HNMT: variants seen among roughly 807,000 people sequenced by gnomAD.
The protein encoded by HNMT is histamine N-methyltransferase.
Under a neutral mutation model 32.1 loss-of-function variants are expected in HNMT, and 30 were observed. The observed-to-expected ratio is 0.93, with a 90% CI of 0.70 to 1.27. The LOEUF (loss-of-function observed/expected upper bound fraction) is 1.27. Ranked by LOEUF, HNMT falls within the 50% of genes most tolerant of loss-of-function variation. HNMT has a pLI of 0.00. For synonymous variants in HNMT, 125 were observed against 119.0 expected (o/e 1.05, Z -0.33); for missense variants, 327 against 346.0 (o/e 0.95, Z 0.43).
intron 4 of HNMT, among the ~76,000 whole-genome samples, chr2:138,003,300 T>C (rs999533553): frequency 6.6e-6 from 1 of 152,064 alleles, no homozygotes; most frequent in South Asian, 2.1e-4. Context: ...TTTCCAGAGA[T>C]AACTAACATT....
At chr2:137,978,214 A>T (rs1322354582) in intron 2 of HNMT, among the ~76,000 whole-genome samples, 3 of 151,474 alleles carry the variant, frequency 2.0e-5, no homozygotes. Flanking sequence ...CAATACCAAA[A>T]TATCTAAAAC....
chr2:137,985,819 C>T (rs1047910408), intron 2 of HNMT, among the ~76,000 whole-genome samples: 1 of 151,976 alleles, frequency 6.6e-6, no homozygotes, highest in South Asian at 2.1e-4. Flanking sequence ...ATCAAATACA[C>T]GTGATTTTAC....
chr2:137,978,492 T>TTA (rs1182224271), intron 2 of HNMT, among the ~76,000 whole-genome samples: 1 of 136,068 alleles, frequency 7.3e-6, no homozygotes, highest in Non-Finnish European at 1.6e-5. Flanking sequence ...TAATATAGTA[T>TTA]TATACAATAC....
chr2:138,012,979 C>A (rs936830387), intron 5 of HNMT, among the ~76,000 whole-genome samples: 1 of 152,076 alleles, frequency 6.6e-6, no homozygotes. Flanking sequence ...ACTCTCTTCC[C>A]ATCGGTGAGG....
chr2:137,970,494 T>A (rs572631346), intron 2 of HNMT, among the ~76,000 whole-genome samples: 78 of 152,322 alleles, frequency 5.1e-4, no homozygotes, highest in African/African-American at 1.6e-3. Flanking sequence ...GGATAACTCT[T>A]ATCCAAAATG....
At chr2:138,006,299 A>C (rs986634962) in intron 5 of HNMT, among the ~76,000 whole-genome samples, 1 of 152,044 alleles carries the variant, frequency 6.6e-6, no homozygotes, top group Admixed American at 6.6e-5. Flanking sequence ...AAACTTAGTT[A>C]TCAACATTGT....
chr2:137,982,624 G>T (rs1272615896), intron 2 of HNMT, among the ~76,000 whole-genome samples: 2 of 152,066 alleles, frequency 1.3e-5, no homozygotes, highest in Non-Finnish European at 2.9e-5. Flanking sequence ...AATTACACAG[G>T]AGTGAAGAAA....
At chr2:137,990,000 C>T (rs1225093363) in intron 2 of HNMT, among the ~76,000 whole-genome samples, 1 of 152,108 alleles carries the variant, frequency 6.6e-6, no homozygotes, top group Non-Finnish European at 1.5e-5. Context: ...AATCCTTTAT[C>T]AGATATGCTC....
intron 2 of HNMT, among the ~76,000 whole-genome samples, chr2:137,981,858 A>ATTATCACTAT (rs1193319585): frequency 2.0e-5 from 3 of 152,028 alleles, no homozygotes; most frequent in Admixed American, 2.0e-4. Flanking sequence ...TCTTATTATT[A>ATTATCACTAT]TTATCACTAT....
At chr2:137,979,558 T>G (rs373941502) in intron 2 of HNMT, among the ~76,000 whole-genome samples, 3 of 152,000 alleles carry the variant, frequency 2.0e-5, no homozygotes, top group South Asian at 4.1e-4. Context: ...GGCCATACTT[T>G]TATTTTATTT....
intron 2 of HNMT, chr2:137,981,525 T>C: frequency 1.5e-6 from 1 of 674,688 alleles, no homozygotes; most frequent in African/African-American, 1.8e-5. Context: ...CCACCATCCG[T>C]AAAATTAGGT....
At position 138,016,072 on chromosome 2, in the gene HNMT, A is replaced by C. The variant is rs1453749954; in HGVS notation, c.*1942A>C. 2 of 152,114 alleles carry C rather than the reference A, an allele frequency of 1.3e-5. No individual in the cohort carries two copies. Among genetic ancestry groups the C allele is most frequent in the African/African-American group, 4.8e-5 (2 of 41,430 alleles). 9.4% of individuals were successfully genotyped at this position (152,114 alleles called of 1,614,324 possible). On this transcript the variant is annotated 3_prime_UTR_variant, in exon 6 of 6. Transcript: ENST00000280097. ...AAACCTATCCCTGTTTTCTTCCTGC[A>C]CTGTATGATAATACCAAAATTTGGG...
chr2:137,970,780 C>T lies in HNMT; in HGVS notation c.190+563C>T, dbSNP rs565342132. ...TTAAAAATACAAAAAATTAGCCAAG[C>T]GTGGTGGCAGACGCCTGTAGTCCCA... On this transcript the variant is annotated intron_variant, in intron 2 of 5. Transcript: ENST00000280097. Among the ~76,000 whole-genome samples the T allele has an allele frequency of 2.3e-3, 353 of 151,898 alleles. 3 individuals are homozygous for T. The highest frequency in any genetic ancestry group is 3.9e-3 in the Non-Finnish European group (264 of 67,930).
intron 2 of HNMT, 40 bp downstream of exon 2, chr2:137,970,257 A>G: frequency 8.6e-7 from 1 of 1,158,310 alleles, no homozygotes; most frequent in Admixed American, 2.2e-5. Context: ...TTTCACTTTA[A>G]CCATTATGCT....
At position 137,998,875 on chromosome 2, in the gene HNMT, A is replaced by G. The variant is rs564708052; in HGVS notation, c.191-2043A>G. Among the ~76,000 whole-genome samples the G allele has an allele frequency of 9.2e-5, 14 of 152,318 alleles. No homozygotes were observed. In the East Asian group the frequency reaches 2.7e-3, roughly 29 times the overall value. The stretch of plus-strand genomic sequence containing the variant: ...AATTTTTCATTTAAAATGTATGGCT[A>G]GGTTAATATGAGGCAAGAACAGAAA... On this transcript the variant is annotated intron_variant, in intron 2 of 5. Transcript: ENST00000280097.
intron 2 of HNMT, among the ~76,000 whole-genome samples, chr2:137,997,596 A>C (rs1681035137): frequency 6.6e-6 from 1 of 152,214 alleles, no homozygotes; most frequent in African/African-American, 2.4e-5. Context: ...TAGTTCAACC[A>C]TTGTGGAAGA....
chr2:137,973,616 CAGAT>C lies in HNMT; in HGVS notation c.190+3406_190+3409del, dbSNP rs767163792. Among the ~76,000 whole-genome samples the C allele has an allele frequency of 8.5e-5, 13 of 152,282 alleles. No homozygotes were observed. In the East Asian group the frequency reaches 2.5e-3, roughly 29 times the overall value. ...CCTCAAGTTTCTTTCCTTGTTTGCA[CAGAT>C]AGATAGGCACATGGCTTTGGTGCAA... On this transcript the variant is annotated intron_variant, in intron 2 of 5. Transcript: ENST00000280097.
Position 138,014,385 on chromosome 2 carries a change from G to T in HNMT, c.*255G>T. 2.9e-6 allele frequency: 1 copy of T among 348,552 alleles called. No individual in the cohort carries two copies. Among genetic ancestry groups the T allele is most frequent in the East Asian group, 4.4e-5 (1 of 22,808 alleles). 21.6% of individuals were successfully genotyped at this position (348,552 alleles called of 1,614,324 possible). ...ATAACATAAGCTAGAAAAATTAGAT[G>T]ACTGAATTTCTATGGCATATTGATA... On this transcript the variant is annotated 3_prime_UTR_variant, in exon 6 of 6. Transcript: ENST00000280097.
chr2:138,012,469 A>T (rs1216722257), intron 5 of HNMT, among the ~76,000 whole-genome samples: 1 of 152,164 alleles, frequency 6.6e-6, no homozygotes, highest in Admixed American at 6.5e-5. Context: ...AGTTATTGTC[A>T]GTCCAAGGCA....
Sources: allele counts gnomAD v4.1 joint callset (sites outside exome capture counted in the v4.1 genomes callset), GRCh38; gene constraint gnomAD v4.1.1; transcripts MANE v1.5; gene names NCBI Gene and HGNC (gene_info 2026-07-23, HGNC 2026-07-21).